UNC5D: variants seen among roughly 807,000 people sequenced by gnomAD.
UNC5D encodes the protein unc-5 netrin receptor D.
A neutral mutation model predicts 105.4 loss-of-function variants in UNC5D; 39 were observed. The observed-to-expected ratio is 0.37, with a 90% CI of 0.29 to 0.48. UNC5D has a LOEUF of 0.48. UNC5D is among the 20% of genes least tolerant of loss of function. The probability of loss-of-function intolerance (pLI) is 0.98; values close to 1 mark genes in which losing one functional copy is unlikely to be tolerated. For synonymous variants in UNC5D, 452 were observed against 450.4 expected (o/e 1.00, Z -0.04); for missense variants, 991 against 1,202.4 (o/e 0.82, Z 2.60).
At chr8:35,543,835 A>G (rs1815447899) in intron 1 of UNC5D, among the ~76,000 whole-genome samples, 1 of 152,202 alleles carries the variant, frequency 6.6e-6, no homozygotes, top group Non-Finnish European at 1.5e-5. Context: ...TCTTTAAGGT[A>G]AATGTCATTC....
intron 1 of UNC5D, among the ~76,000 whole-genome samples, chr8:35,523,254 T>A (rs987253706): frequency 4.6e-5 from 7 of 152,000 alleles, no homozygotes; most frequent in African/African-American, 1.7e-4. Context: ...AGCTAACTTT[T>A]TATTTTTTGT....
chr8:35,464,593 C>T (rs1296605283), intron 1 of UNC5D, among the ~76,000 whole-genome samples: 1 of 151,990 alleles, frequency 6.6e-6, no homozygotes, highest in African/African-American at 2.4e-5. Flanking sequence ...CTTTCTTGTT[C>T]CTAATCTTGA....
intron 1 of UNC5D, among the ~76,000 whole-genome samples, chr8:35,392,855 A>G (rs537330493): frequency 2.8e-4 from 42 of 152,318 alleles, no homozygotes; most frequent in African/African-American, 1.0e-3. Flanking sequence ...ATCTCATGGT[A>G]TAGATAATTC....
intron 4 of UNC5D, among the ~76,000 whole-genome samples, chr8:35,651,895 T>C (rs917647653): frequency 6.6e-6 from 1 of 152,218 alleles, no homozygotes; most frequent in Non-Finnish European, 1.5e-5. Context: ...TATGAAGTCA[T>C]TCTGCTACTT....
At chr8:35,410,447 G>T (rs1805091669) in intron 1 of UNC5D, among the ~76,000 whole-genome samples, 1 of 152,048 alleles carries the variant, frequency 6.6e-6, no homozygotes, top group Non-Finnish European at 1.5e-5. Context: ...GCTTTGTAAG[G>T]CAGGATACAG....
chr8:35,407,897 C>G (rs1804910753), intron 1 of UNC5D, among the ~76,000 whole-genome samples: 1 of 152,074 alleles, frequency 6.6e-6, no homozygotes, highest in Non-Finnish European at 1.5e-5. Flanking sequence ...GCATAGTATT[C>G]CATGGTATAT....
intron 1 of UNC5D, among the ~76,000 whole-genome samples, chr8:35,301,309 G>C (rs759542336): frequency 2.2e-4 from 34 of 152,176 alleles, no homozygotes; most frequent in Non-Finnish European, 4.6e-4. Flanking sequence ...AATAACAATG[G>C]TATTCCATTA....
intron 1 of UNC5D, among the ~76,000 whole-genome samples, chr8:35,379,060 T>G (rs1802872895): frequency 6.6e-6 from 1 of 152,176 alleles, no homozygotes; most frequent in African/African-American, 2.4e-5. Context: ...CCTCCTGTGT[T>G]GAGAAGAATA....
intron 15 of UNC5D, among the ~76,000 whole-genome samples, chr8:35,769,390 G>A (rs1235207893): frequency 6.6e-6 from 1 of 152,096 alleles, no homozygotes; most frequent in Non-Finnish European, 1.5e-5. Context: ...CTTCTCTTCA[G>A]GGACTCAGGT....
intron 1 of UNC5D, among the ~76,000 whole-genome samples, chr8:35,319,289 T>C (rs1049052433): frequency 3.3e-5 from 5 of 152,104 alleles, no homozygotes; most frequent in African/African-American, 1.2e-4. Context: ...CTCCACACTA[T>C]TGGTTTGCTA....
chr8:35,348,633 C>T (rs984910686), intron 1 of UNC5D, among the ~76,000 whole-genome samples: 5 of 151,560 alleles, frequency 3.3e-5, no homozygotes, highest in South Asian at 2.1e-4. Flanking sequence ...GAATGACAAA[C>T]GTTAAAAATT....
intron 4 of UNC5D, among the ~76,000 whole-genome samples, chr8:35,598,847 A>T (rs1300122904): frequency 6.6e-6 from 1 of 152,148 alleles, no homozygotes; most frequent in African/African-American, 2.4e-5. Context: ...GCAGAACCTA[A>T]AAAAGCTGAA....
At chr8:35,609,123 TTTCA>T (rs1820516230) in intron 4 of UNC5D, among the ~76,000 whole-genome samples, 1 of 152,180 alleles carries the variant, frequency 6.6e-6, no homozygotes, top group Non-Finnish European at 1.5e-5. Context: ...CACTGTGGTA[TTTCA>T]TAGTGGCTTT....
chr8:35,525,268 C>A, intron 1 of UNC5D: 1 of 1,612,208 alleles, frequency 6.2e-7, no homozygotes, highest in Non-Finnish European at 8.5e-7. Context: ...TGTTTTTCAA[C>A]TATTTTGCGT....
chr8:35,552,897 G>A (rs1054761753), intron 2 of UNC5D, among the ~76,000 whole-genome samples: 1 of 152,122 alleles, frequency 6.6e-6, no homozygotes, highest in Non-Finnish European at 1.5e-5. Context: ...TACCATATAA[G>A]CAAAAGGCTA....
rs544331583 is a variant in UNC5D at position 35,673,801 on chromosome 8, A to G, written c.571-9746A>G. Among the ~76,000 whole-genome samples, 211 of 152,272 alleles carry G rather than the reference A, an allele frequency of 1.4e-3. 1 individual carries two copies. Among genetic ancestry groups the G allele is most frequent in the Non-Finnish European group, 2.3e-3 (159 of 68,008 alleles). On this transcript the variant is annotated intron_variant, in intron 4 of 16. Coordinates refer to ENST00000404895, the MANE Select transcript of UNC5D (RefSeq NM_080872.4). ...ACCAGTCCCTTTTCTCAGAAAAGCA[A>G]ATGCTTTCCTATAAGCTCTCCAGTT...
In UNC5D at chr8:35,766,889, G is replaced by A. The variant is rs58832562; in HGVS notation, c.2314-13G>A. On this transcript the variant is annotated splice_polypyrimidine_tract_variant and intron_variant, in intron 14 of 16. Coordinates refer to ENST00000404895, the MANE Select transcript of UNC5D (RefSeq NM_080872.4). ...GCTCTGCACACCATCCCTTCTCTCC[G>A]TCTCCCCTGCAGGAAGTCCCGTTCT... 37,427 of 1,605,162 alleles carry A rather than the reference G, an allele frequency of 0.023. 2,744 individuals are homozygous for A. In the African/African-American group the frequency reaches 0.25, roughly 11 times the overall value.
At chr8:35,451,675 C>G (rs957339740) in intron 1 of UNC5D, among the ~76,000 whole-genome samples, 3 of 152,118 alleles carry the variant, frequency 2.0e-5, no homozygotes, top group Non-Finnish European at 4.4e-5. Context: ...GTCTGTATGT[C>G]CCAGAGGGTC....
chr8:35,585,296 G>A (rs2130858301), intron 3 of UNC5D, among the ~76,000 whole-genome samples: 1 of 152,296 alleles, frequency 6.6e-6, no homozygotes, highest in Middle Eastern at 3.4e-3. Flanking sequence ...AGCATGACAG[G>A]ACCTTTTGCA....
Sources: allele counts gnomAD v4.1 joint callset (sites outside exome capture counted in the v4.1 genomes callset), GRCh38; gene constraint gnomAD v4.1.1; transcripts MANE v1.5; gene names NCBI Gene and HGNC (gene_info 2026-07-23, HGNC 2026-07-21).